Variants in FERMT1 observed in about 807,000 individuals in gnomAD.
The protein encoded by FERMT1 is FERM domain containing kindlin 1, also known as fermitin family homolog 1.
In FERMT1, 60 loss-of-function variants were observed where a neutral mutation model predicts 85.3. That is an observed-to-expected ratio of 0.70 (90% CI 0.57 to 0.87). FERMT1 has a LOEUF of 0.87. FERMT1 is among the 40% of genes least tolerant of loss of function. FERMT1 has a pLI of 0.00. For synonymous variants in FERMT1, 275 were observed against 301.1 expected (o/e 0.91, Z 0.90); for missense variants, 701 against 818.9 (o/e 0.86, Z 1.76).
chr20:6,085,607 T>A (rs73074340), intron 11 of FERMT1, among the ~76,000 whole-genome samples: 4,043 of 152,230 alleles, frequency 0.027, 87 homozygotes, highest in South Asian at 0.055. Flanking sequence ...TCCTCAACTT[T>A]GGGAGGTTGA....
At chr20:6,108,831 C>T (rs924700045) in intron 5 of FERMT1, among the ~76,000 whole-genome samples, 1 of 150,508 alleles carries the variant, frequency 6.6e-6, no homozygotes, top group African/African-American at 2.5e-5. Flanking sequence ...AAAAAAGTCA[C>T]AGGCTTGGTT....
At chr20:6,100,337 A>T (rs1405896092) in intron 6 of FERMT1, among the ~76,000 whole-genome samples, 3 of 152,234 alleles carry the variant, frequency 2.0e-5, no homozygotes, top group Admixed American at 6.5e-5. Context: ...AGTGAAAAAA[A>T]TTATTCATAA....
At position 6,115,897 on chromosome 20, in the gene FERMT1, C is replaced by T. The variant is rs146184803; in HGVS notation, c.299G>A (p.Arg100His). The T allele has an allele frequency of 9.9e-5, 159 of 1,614,126 alleles. No homozygotes were observed. The highest frequency in any genetic ancestry group is 1.2e-4 in the Non-Finnish European group (138 of 1,180,010). Residue 100 changes from arginine to histidine, a missense_variant, in exon 3 of 15, where the codon CGT (arginine) becomes CAT (histidine). Transcript: ENST00000217289. ...CCTCACCATCTTCAAATTCGGCAGA[C>T]GAAGGCGCAGCATTTTATGCTGAGG... Reference protein sequence around the residue: ...FTPQHKMLRLRLPNLKMVRLR... With the variant: ...FTPQHKMLRLHLPNLKMVRLR...
intron 3 of FERMT1, among the ~76,000 whole-genome samples, chr20:6,115,262 T>G (rs1983065909): frequency 6.6e-6 from 1 of 152,198 alleles, no homozygotes; most frequent in African/African-American, 2.4e-5. Context: ...GGTAGTGTTG[T>G]CTTTACGACT....
In FERMT1 at chr20:6,110,590, C is replaced by T. The variant is rs928531946; in HGVS notation, c.533-79G>A. The T allele has an allele frequency of 2.6e-5, 30 of 1,144,202 alleles. No homozygotes were observed. The African/African-American group carries it at 4.0e-4, about 15-fold the overall frequency. 70.9% of individuals were successfully genotyped at this position (1,144,202 alleles called of 1,614,324 possible). Reference sequence around the variant, plus strand: ...TTCAAGAAAATATTAACATTACTTACACTAAAATGAGTTTTGACTTTAAAT... The same window carrying T: ...TTCAAGAAAATATTAACATTACTTATACTAAAATGAGTTTTGACTTTAAAT... On this transcript the variant is annotated intron_variant, in intron 4 of 14. Coordinates refer to ENST00000217289, the MANE Select transcript of FERMT1 (RefSeq NM_017671.5).
chr20:6,110,452 G>T lies in FERMT1; in HGVS notation c.592C>A (p.Pro198Thr). The change falls in exon 5 of 15, where the codon CCA (proline) becomes ACA (threonine). Residue 198 changes from proline to threonine, a missense_variant. Coordinates refer to ENST00000217289, the MANE Select transcript of FERMT1 (RefSeq NM_017671.5). ...TPIYDPINGT[P>T]ASSTMTWFSD... ...AACCAAGTCATGGTGGATGATGCTG[G>T]TGTTCCATTGATGGGGTCATATATA... 1 of 1,614,126 alleles carries T rather than the reference G, an allele frequency of 6.2e-7. No homozygotes were observed. Among genetic ancestry groups the T allele is most frequent in the South Asian group, 1.1e-5 (1 of 91,080 alleles).
chr20:6,107,487 C>A (rs992954819), intron 6 of FERMT1, 45 bp downstream of exon 6: 1 of 1,116,254 alleles, frequency 9.0e-7, no homozygotes, highest in Non-Finnish European at 1.4e-6. Flanking sequence ...TCCTTTCATG[C>A]ATTCATATTA....
rs143843663 is a variant in FERMT1 at position 6,085,098 on chromosome 20, G to T, written c.1561C>A (p.Pro521Thr). ...GATTTGTGTCTTTTTGCACACCGTG[G>T]TGACACAAAACATTCTGGGTTCATA... is the stretch of plus-strand genomic sequence containing the variant. ...MDMNPECFVS[P>T]RCAKRHKSKQ... The change falls in exon 12 of 15, where the codon CCA (proline) becomes ACA (threonine). Residue 521 changes from proline (P) to threonine (T), a missense_variant. By Grantham distance (38) the Pro-to-Thr change is conservative. Transcript: ENST00000217289. 2.0e-5 allele frequency: 33 copies of T among 1,613,916 alleles called. No individual in the cohort carries two copies. In the African/African-American group the frequency reaches 3.5e-4, roughly 17 times the overall value.
At chr20:6,088,628 T>C (rs1443522408) in intron 10 of FERMT1, among the ~76,000 whole-genome samples, 3,574 of 45,796 alleles carry the variant, frequency 0.078, 62 homozygotes, top group South Asian at 0.26. Flanking sequence ...GCTCACCTCT[T>C]TTTTTTTTTT....
In FERMT1 at chr20:6,092,447, G is replaced by A. The variant is rs533369967; in HGVS notation, c.1139+2492C>T. Among the ~76,000 whole-genome samples the A allele has an allele frequency of 1.7e-4, 26 of 152,256 alleles. 1 individual carries two copies. Among genetic ancestry groups the A allele is most frequent in the Admixed American group, 9.8e-4 (15 of 15,304 alleles). ...AGTCCCAGCTACTCAGAGGGTTGAG[G>A]TGGGAGGACCGCTGGAGCCTGTGAG... On this transcript the variant is annotated intron_variant, in intron 9 of 14. Coordinates refer to ENST00000217289, the MANE Select transcript of FERMT1 (RefSeq NM_017671.5).
intron 6 of FERMT1, among the ~76,000 whole-genome samples, chr20:6,098,986 C>T (rs1982581360): frequency 6.6e-6 from 1 of 152,234 alleles, no homozygotes; most frequent in Admixed American, 6.5e-5. Flanking sequence ...GGCATCCAAA[C>T]ACATACTTGT....
intron 11 of FERMT1, among the ~76,000 whole-genome samples, 176 bp from the exon 12 acceptor site, chr20:6,085,463 G>A (rs1031411164): frequency 1.3e-5 from 2 of 152,218 alleles, no homozygotes; most frequent in Admixed American, 6.5e-5. Flanking sequence ...CCTAACAGTA[G>A]TTTTTGAGTC....
chr20:6,118,096 A>G (rs1409903355), intron 2 of FERMT1, among the ~76,000 whole-genome samples: 2 of 152,248 alleles, frequency 1.3e-5, no homozygotes, highest in Non-Finnish European at 2.9e-5. Context: ...CAGGTGTTAC[A>G]GCAGCTTTTT....
At chr20:6,085,923 G>A (rs1329530465) in intron 11 of FERMT1, among the ~76,000 whole-genome samples, 2 of 151,632 alleles carry the variant, frequency 1.3e-5, no homozygotes, top group African/African-American at 4.8e-5. Context: ...GGTGGATCAC[G>A]AGGTCAGGAG....
rs1482911489 is a variant in FERMT1, at chr20:6,076,313, T to A, written c.*860A>T. The A allele has an allele frequency of 2.5e-6, 1 of 400,120 alleles. No homozygotes were observed. Among genetic ancestry groups the A allele is most frequent in the East Asian group, 7.2e-5 (1 of 13,898 alleles). The allele number at this position is 400,120 out of a possible 1,614,324, so 24.8% of individuals were successfully genotyped here. Reference sequence around the variant, plus strand: ...TCCTTGACACTGGCAGGTGTTTCTATGAACAGAGAGGACTGTGCCTGTCTT... The same window carrying A: ...TCCTTGACACTGGCAGGTGTTTCTAAGAACAGAGAGGACTGTGCCTGTCTT... On this transcript the variant is annotated 3_prime_UTR_variant, in exon 15 of 15. Coordinates refer to ENST00000217289, the MANE Select transcript of FERMT1 (RefSeq NM_017671.5).
chr20:6,103,659 T>C (rs1982720347), intron 6 of FERMT1, among the ~76,000 whole-genome samples: 1 of 152,160 alleles, frequency 6.6e-6, no homozygotes, highest in South Asian at 2.1e-4. Context: ...CTCATTAGTC[T>C]TCTGGGTTGT....
At chr20:6,120,141 T>C (rs1231620213) in intron 1 of FERMT1, among the ~76,000 whole-genome samples, 1 of 152,144 alleles carries the variant, frequency 6.6e-6, no homozygotes, top group Non-Finnish European at 1.5e-5. Flanking sequence ...CAAAAATGTA[T>C]ATCTTCCCAT....
chr20:6,093,145 C>A (rs1320952973), intron 9 of FERMT1, among the ~76,000 whole-genome samples: 2 of 151,918 alleles, frequency 1.3e-5, no homozygotes, highest in African/African-American at 4.8e-5. Context: ...GCTCTTAGTA[C>A]TGATGAGGAA....
At chr20:6,105,894 T>C in intron 6 of FERMT1, among the ~76,000 whole-genome samples, 1 of 152,200 alleles carries the variant, frequency 6.6e-6, no homozygotes, top group Admixed American at 6.5e-5. Flanking sequence ...TGTTATCTAT[T>C]TTCAGAAAAA....
Sources: allele counts gnomAD v4.1 joint callset (sites outside exome capture counted in the v4.1 genomes callset), GRCh38; gene constraint gnomAD v4.1.1; transcripts MANE v1.5; gene names NCBI Gene and HGNC (gene_info 2026-07-23, HGNC 2026-07-21).